Variants in NLGN1 observed in about 807,000 individuals in gnomAD.
The protein encoded by NLGN1 is neuroligin-1.
NLGN1 carries 12 observed loss-of-function variants against 65.5 expected under a neutral mutation model. That is an observed-to-expected ratio of 0.18 (90% CI 0.12 to 0.30). The LOEUF is 0.30. Among genes scored for constraint, NLGN1 ranks in the 10% least tolerant of loss-of-function variants. The pLI, the probability that NLGN1 is intolerant of heterozygous loss-of-function variation, is 1.00. For synonymous variants in NLGN1, 350 were observed against 359.5 expected, an observed-to-expected ratio of 0.97 and a Z score of 0.30; for missense variants, 750 against 1,007.1, an observed-to-expected ratio of 0.74 and a Z score of 3.46.
chr3:174,273,643 A>C (rs1749920771), intron 4 of NLGN1, among the ~76,000 whole-genome samples: 1 of 151,820 alleles, frequency 6.6e-6, no homozygotes, highest in Admixed American at 6.6e-5. Context: ...GGGTATGACC[A>C]GAAAAATTTG....
intron 2 of NLGN1, among the ~76,000 whole-genome samples, chr3:173,483,849 G>A (rs1297760040): frequency 6.6e-6 from 1 of 152,068 alleles, no homozygotes; most frequent in East Asian, 1.9e-4. Flanking sequence ...TACTATCACT[G>A]TTCCTTTGAA....
chr3:174,102,211 T>C (rs1712681417), intron 4 of NLGN1, among the ~76,000 whole-genome samples: 1 of 152,170 alleles, frequency 6.6e-6, no homozygotes, highest in African/African-American at 2.4e-5. Context: ...TAAAAAATCA[T>C]AGCCAGCTTT....
At chr3:173,743,952 C>A (rs962928422) in intron 3 of NLGN1, among the ~76,000 whole-genome samples, 46 of 152,114 alleles carry the variant, frequency 3.0e-4, no homozygotes, top group African/African-American at 1.1e-3. Flanking sequence ...CTACATATCA[C>A]AACTTTTTAA....
chr3:173,658,188 A>G (rs922488432), intron 3 of NLGN1, among the ~76,000 whole-genome samples: 5 of 152,012 alleles, frequency 3.3e-5, no homozygotes, highest in African/African-American at 1.2e-4. Flanking sequence ...AAAACTATGA[A>G]CAATCAAAGA....
chr3:174,279,365 C>T lies in NLGN1; in HGVS notation c.1364C>T (p.Thr455Ile), dbSNP rs757788278. The stretch of plus-strand genomic sequence containing the variant: ...CATAACCCTGAAACCAGAAGAAAGA[C>T]ATTACTGGCTTTGTTTACGGACCAT... Residue 455 changes from threonine (T) to isoleucine (I), a missense_variant, in exon 6 of 7, where the codon ACA becomes ATA. Physicochemically the swap from Thr to Ile is moderately conservative, Grantham distance 89 (BLOSUM62 -1). Transcript: ENST00000457714. The surrounding 1 kb of genome is among the most constrained non-coding windows in gnomAD (Gnocchi z 4.7). 6.2e-7 allele frequency: 1 copy of T among 1,613,358 alleles called. No individual in the cohort carries two copies. The highest frequency in any genetic ancestry group is 8.5e-7 in the Non-Finnish European group (1 of 1,179,554).
rs577118104 is a variant in NLGN1, at chr3:173,917,793, T to TATC, written c.646+109963_646+109965dup. Among the ~76,000 whole-genome samples, 35 of 151,888 alleles carry TATC rather than the reference T, an allele frequency of 2.3e-4. No individual in the cohort carries two copies. In the South Asian group the frequency reaches 3.1e-3, roughly 13 times the overall value. On this transcript the variant is annotated intron_variant, in intron 4 of 6. Transcript: ENST00000457714. Reference sequence around the variant, plus strand: ...TCATATCCATGACACGATGAAATATTATCAGCTGAACTTAGGAAGGGCGCT... The same window carrying TATC: ...TCATATCCATGACACGATGAAATATTATCATCAGCTGAACTTAGGAAGGGCGCT...
intron 4 of NLGN1, among the ~76,000 whole-genome samples, chr3:173,811,776 A>G (rs2150477295): frequency 6.6e-6 from 1 of 152,264 alleles, no homozygotes; most frequent in African/African-American, 2.4e-5. Flanking sequence ...GATGTCCACA[A>G]AACATTTTTT....
intron 4 of NLGN1, among the ~76,000 whole-genome samples, chr3:173,923,127 C>T (rs940237017): frequency 1.3e-5 from 2 of 151,882 alleles, no homozygotes; most frequent in African/African-American, 4.8e-5. Flanking sequence ...CTTTATTTGA[C>T]TATATTTCAT....
At chr3:174,169,673 G>A (rs1728164543) in intron 4 of NLGN1, among the ~76,000 whole-genome samples, 2 of 152,030 alleles carry the variant, frequency 1.3e-5, no homozygotes, top group African/African-American at 2.4e-5. Flanking sequence ...ACAATCTCAG[G>A]GAGACAGAGT....
chr3:173,454,102 G>A (rs530075895), intron 2 of NLGN1, among the ~76,000 whole-genome samples: 1 of 152,266 alleles, frequency 6.6e-6, no homozygotes, highest in East Asian at 1.9e-4. Flanking sequence ...GAGTGACTAG[G>A]TGCATTGTCA....
chr3:173,815,407 C>G (rs1404382074), intron 4 of NLGN1, among the ~76,000 whole-genome samples: 8 of 152,034 alleles, frequency 5.3e-5, no homozygotes, highest in Non-Finnish European at 1.5e-5. Context: ...GCACCCAGCC[C>G]CATTTCTTAT....
At chr3:173,803,566 C>T (rs547267221) in intron 3 of NLGN1, among the ~76,000 whole-genome samples, 2 of 152,200 alleles carry the variant, frequency 1.3e-5, no homozygotes, top group South Asian at 4.1e-4. Flanking sequence ...CCAGATTGCA[C>T]CACTGCACCC....
At chr3:174,222,991 TCA>T (rs778785087) in intron 4 of NLGN1, among the ~76,000 whole-genome samples, 1 of 152,192 alleles carries the variant, frequency 6.6e-6, no homozygotes, top group Non-Finnish European at 1.5e-5. Flanking sequence ...AAAATCAATC[TCA>T]CTTTATCTAA....
chr3:173,841,098 A>G (rs1724680722), intron 4 of NLGN1, among the ~76,000 whole-genome samples: 1 of 151,706 alleles, frequency 6.6e-6, no homozygotes, highest in Non-Finnish European at 1.5e-5. Flanking sequence ...CTTCTTAGAA[A>G]TACTTTAAAA....
chr3:173,422,146 T>TACACACACACACAC (rs1553846239), intron 1 of NLGN1, among the ~76,000 whole-genome samples: 58 of 130,316 alleles, frequency 4.5e-4, no homozygotes, highest in African/African-American at 1.6e-3. Flanking sequence ...ACACTATATA[T>TACACACACACACAC]ACACACACAC....
intron 4 of NLGN1, among the ~76,000 whole-genome samples, chr3:174,182,391 A>G (rs530796139): frequency 6.6e-6 from 1 of 152,266 alleles, no homozygotes; most frequent in African/African-American, 2.4e-5. Flanking sequence ...ATTATGTGCT[A>G]TGAGGGAGTC....
intron 4 of NLGN1, among the ~76,000 whole-genome samples, chr3:174,016,331 G>A (rs1286575180): frequency 3.3e-5 from 5 of 152,266 alleles, no homozygotes; most frequent in East Asian, 1.9e-4. Flanking sequence ...AAAAGTACAC[G>A]TACAAATACA....
rs543539386 is a variant in NLGN1, at chr3:173,648,332, G to A, written c.493+43241G>A. 1.4e-4 allele frequency among the ~76,000 whole-genome samples: 21 copies of A among 152,124 alleles called. No homozygotes were observed. The South Asian group carries it at 4.1e-3, about 30-fold the overall frequency. On this transcript the variant is annotated intron_variant, in intron 3 of 6. Coordinates refer to ENST00000457714, the Ensembl canonical transcript of NLGN1. ...AAACCAAAATACAAAATAAAAACCA[G>A]TCAAAATATTTAAACAATGCTTCAC...
At chr3:173,931,510 A>G (rs1744088613) in intron 4 of NLGN1, among the ~76,000 whole-genome samples, 1 of 152,264 alleles carries the variant, frequency 6.6e-6, no homozygotes, top group South Asian at 2.1e-4. Flanking sequence ...GCTATCTAGG[A>G]AAGAGCATTC....
Sources: allele counts gnomAD v4.1 joint callset (sites outside exome capture counted in the v4.1 genomes callset), GRCh38; gene constraint gnomAD v4.1.1; non-coding constraint Gnocchi (gnomAD v3.1); transcripts MANE v1.5; gene names NCBI Gene and HGNC (gene_info 2026-07-23, HGNC 2026-07-21).